The following SPATS2L variants were observed in gnomAD, a reference collection of about 807,000 sequenced individuals.
SPATS2L encodes SPATS2-like protein.
SPATS2L carries 30 observed loss-of-function variants against 59.6 expected under a neutral mutation model. The ratio of observed to expected loss-of-function variants is 0.50; its 90% confidence interval spans 0.38 to 0.68. SPATS2L has a LOEUF of 0.68. Among genes scored for constraint, SPATS2L ranks in the 30% least tolerant of loss-of-function variants. The pLI is 0.00. For synonymous variants in SPATS2L, 252 were observed against 263.5 expected (o/e 0.96, Z 0.42); for missense variants, 615 against 700.0 (o/e 0.88, Z 1.37).
At chr2:200,356,484 T>C (rs144479217) in intron 2 of SPATS2L, among the ~76,000 whole-genome samples, 1,620 of 152,300 alleles carry the variant, frequency 0.011, 15 homozygotes, top group Middle Eastern at 0.024. Context: ...GTGTTTAGCT[T>C]AGAAGGAGGG....
chr2:200,417,561 C>A (rs2083117464), intron 5 of SPATS2L, among the ~76,000 whole-genome samples: 1 of 152,172 alleles, frequency 6.6e-6, no homozygotes, highest in South Asian at 2.1e-4. Flanking sequence ...AGACCCAACT[C>A]ATTACTGAGT....
At chr2:200,408,832 G>A (rs1384734940) in intron 3 of SPATS2L, among the ~76,000 whole-genome samples, 3 of 152,214 alleles carry the variant, frequency 2.0e-5, no homozygotes, top group Non-Finnish European at 4.4e-5. Context: ...GAGAGGAGAG[G>A]ATCATGACTA....
intron 1 of SPATS2L, among the ~76,000 whole-genome samples, chr2:200,328,447 C>A (rs2079826787): frequency 6.6e-6 from 1 of 152,172 alleles, no homozygotes; most frequent in South Asian, 2.1e-4. Context: ...AAAGTAGAAT[C>A]TCAGGGCTTA....
chr2:200,366,298 A>G (rs1279040308), intron 2 of SPATS2L, among the ~76,000 whole-genome samples: 3 of 152,184 alleles, frequency 2.0e-5, no homozygotes, highest in African/African-American at 7.2e-5. Context: ...TTGTGCTGAT[A>G]TTTCTGTCCT....
At chr2:200,459,358 G>C (rs780483898) in intron 8 of SPATS2L, among the ~76,000 whole-genome samples, 1 of 152,146 alleles carries the variant, frequency 6.6e-6, no homozygotes, top group Non-Finnish European at 1.5e-5. Flanking sequence ...TTCCCAGCCA[G>C]AATCTCTCAG....
intron 1 of SPATS2L, among the ~76,000 whole-genome samples, chr2:200,322,386 G>A (rs538244742): frequency 6.6e-6 from 1 of 152,202 alleles, no homozygotes; most frequent in African/African-American, 2.4e-5. Flanking sequence ...TGCTGTCAAA[G>A]GAATTGTATG....
At chr2:200,391,495 A>G (rs898439487) in intron 3 of SPATS2L, among the ~76,000 whole-genome samples, 2 of 152,248 alleles carry the variant, frequency 1.3e-5, no homozygotes, top group East Asian at 3.8e-4. Flanking sequence ...AGGCTTCACC[A>G]GACTGCCAAA....
chr2:200,414,538 G>A (rs902616706), intron 4 of SPATS2L, among the ~76,000 whole-genome samples: 2 of 152,042 alleles, frequency 1.3e-5, no homozygotes, highest in South Asian at 4.2e-4. Context: ...GCTGAGGCAG[G>A]AGGATTGATT....
In SPATS2L at chr2:200,382,290, G is replaced by C. The variant is rs1355232107; in HGVS notation, c.-22-6933G>C. Among the ~76,000 whole-genome samples the C allele has an allele frequency of 2.0e-5, 3 of 152,104 alleles. No homozygotes were observed. In the East Asian group the frequency reaches 5.8e-4, roughly 29 times the overall value. On this transcript the variant is annotated intron_variant, in intron 2 of 12. Transcript: ENST00000409140. ...AGGTTTTGTCATACTGATCAGGCTGGTCTCGAACTCCTGACCTTAGGTGAT... is the reference window on the plus strand; with the variant it reads ...AGGTTTTGTCATACTGATCAGGCTGCTCTCGAACTCCTGACCTTAGGTGAT...
intron 12 of SPATS2L, among the ~76,000 whole-genome samples, 164 bp downstream of exon 12, chr2:200,473,216 T>C (rs954625732): frequency 6.6e-6 from 1 of 152,110 alleles, no homozygotes; most frequent in Non-Finnish European, 1.5e-5. Context: ...CCAGCTGGCC[T>C]CTTGGGAACT....
intron 2 of SPATS2L, among the ~76,000 whole-genome samples, chr2:200,330,567 C>T (rs2079905745): frequency 6.6e-6 from 1 of 152,208 alleles, no homozygotes; most frequent in Non-Finnish European, 1.5e-5. Flanking sequence ...CACAGGCGCA[C>T]ACACTGCTTA....
At chr2:200,418,580 A>G (rs375937249) in intron 5 of SPATS2L, among the ~76,000 whole-genome samples, 2 of 66,626 alleles carry the variant, frequency 3.0e-5, no homozygotes, top group Admixed American at 2.2e-4. Flanking sequence ...ACCTTATTAA[A>G]TAATAAATAA....
At chr2:200,375,725 C>T (rs1432459960) in intron 2 of SPATS2L, among the ~76,000 whole-genome samples, 1 of 152,188 alleles carries the variant, frequency 6.6e-6, no homozygotes, top group Non-Finnish European at 1.5e-5. Context: ...CTCCCGGGCT[C>T]AAGTGATCCT....
chr2:200,383,044 G>A (rs543099468), intron 2 of SPATS2L, among the ~76,000 whole-genome samples: 2 of 152,222 alleles, frequency 1.3e-5, no homozygotes, highest in South Asian at 2.1e-4. Flanking sequence ...GTGCACGTCC[G>A]AATACCCTGC....
At chr2:200,427,246 A>G in intron 6 of SPATS2L, among the ~76,000 whole-genome samples, 1 of 152,050 alleles carries the variant, frequency 6.6e-6, no homozygotes, top group Non-Finnish European at 1.5e-5. Context: ...ATGCAATAAG[A>G]TGGAAACTCT....
intron 8 of SPATS2L, among the ~76,000 whole-genome samples, chr2:200,457,918 T>C (rs1193791419): frequency 2.6e-5 from 4 of 152,204 alleles, no homozygotes; most frequent in African/African-American, 9.7e-5. Flanking sequence ...CAAAAGTACA[T>C]CTGATGGAGA....
chr2:200,326,670 A>G (rs2079755431), intron 1 of SPATS2L, among the ~76,000 whole-genome samples: 1 of 152,178 alleles, frequency 6.6e-6, no homozygotes, highest in Admixed American at 6.5e-5. Context: ...GTAGAAACAT[A>G]GTAAAGACAG....
chr2:200,378,628 G>A (rs1376652453), intron 2 of SPATS2L, among the ~76,000 whole-genome samples: 2 of 152,208 alleles, frequency 1.3e-5, no homozygotes, highest in African/African-American at 4.8e-5. Flanking sequence ...ATTATTAAAT[G>A]TTTACTAGGA....
chr2:200,325,003 GCAA>G, intron 1 of SPATS2L, among the ~76,000 whole-genome samples: 1 of 151,956 alleles, frequency 6.6e-6, no homozygotes, highest in East Asian at 1.9e-4. Flanking sequence ...ATATCCAAGG[GCAA>G]CAACTCCCCA....
Sources: gnomAD v4.1 joint callset for allele counts (sites outside exome capture counted in the v4.1 genomes callset) on GRCh38, gnomAD v4.1.1 for gene constraint, MANE v1.5 for transcripts, NCBI Gene and HGNC (gene_info 2026-07-23, HGNC 2026-07-21) for gene names.